Variants in HNRNPF observed in about 807,000 individuals in gnomAD.
HNRNPF encodes the protein heterogeneous nuclear ribonucleoprotein F.
HNRNPF carries 2 observed loss-of-function variants against 26.0 expected under a neutral mutation model. The observed-to-expected ratio is 0.08, with a 90% CI of 0.03 to 0.24. HNRNPF has a LOEUF of 0.24. Among genes scored for constraint, HNRNPF ranks in the 10% least tolerant of loss-of-function variants. The pLI is 1.00. For synonymous variants in HNRNPF, 234 were observed against 211.5 expected, an observed-to-expected ratio of 1.11 and a Z score of -0.92; for missense variants, 299 against 539.2, an observed-to-expected ratio of 0.55 and a Z score of 4.41.
At chr10:43,408,185 T>G (rs779406734) in intron 1 of HNRNPF, among the ~76,000 whole-genome samples, 2 of 152,124 alleles carry the variant, frequency 1.3e-5, no homozygotes, top group Non-Finnish European at 2.9e-5. Flanking sequence ...GGCCTCCCAC[T>G]GCGCCAGGCC....
chr10:43,396,923 C>A (rs1838558187), intron 1 of HNRNPF: 1 of 140,976 alleles, frequency 7.1e-6, no homozygotes, highest in Admixed American at 7.0e-5. Flanking sequence ...GGGGAGGGGG[C>A]CCCTGGCGGG....
intron 1 of HNRNPF, among the ~76,000 whole-genome samples, chr10:43,397,582 A>C (rs908120781): frequency 3.3e-5 from 5 of 152,186 alleles, no homozygotes; most frequent in Admixed American, 2.6e-4. Context: ...CTAAAATGGA[A>C]CTAGCGGACG....
intron 3 of HNRNPF, among the ~76,000 whole-genome samples, chr10:43,392,742 T>A (rs894918946): frequency 6.6e-6 from 1 of 152,148 alleles, no homozygotes; most frequent in Non-Finnish European, 1.5e-5. Flanking sequence ...CTGTAGGGAA[T>A]CAGGCTTGGG....
At chr10:43,396,615 T>C (rs1281146517) in intron 1 of HNRNPF, 25 bp from the exon 2 acceptor site, 1 of 152,102 alleles carries the variant, frequency 6.6e-6, no homozygotes, top group Admixed American at 6.6e-5. Context: ...CAAGTGGTGG[T>C]GGGGTCCCTT....
rs759341188 is a variant in HNRNPF at position 43,387,874 on chromosome 10, C to G, written c.11G>C (p.Gly4Ala). 1 of 1,606,408 alleles carries G rather than the reference C, an allele frequency of 6.2e-7. No homozygotes were observed. Among genetic ancestry groups the G allele is most frequent in the Non-Finnish European group, 8.5e-7 (1 of 1,173,572 alleles). ...CACAAAGCCTTCACCTCCCTCAGGG[C>G]CCAGCATCATGGACACTTGTCAGGG... Reference protein sequence around the residue: MMLGPEGGEGFVVK... With the variant: MMLAPEGGEGFVVK... Residue 4 changes from glycine to alanine, a missense_variant, in exon 4 of 4, where the codon GGC becomes GCC. Around this residue, in one of 6 missense-constraint regions of HNRNPF, gnomAD observed 104 missense variants for 239.0 expected, o/e 0.44. Coordinates refer to ENST00000682386, the MANE Select transcript of HNRNPF (RefSeq NM_001098204.2). The surrounding 1 kb of genome is among the most constrained non-coding windows in gnomAD (Gnocchi z 6.0).
chr10:43,402,586 G>C (rs951768582), intron 1 of HNRNPF, among the ~76,000 whole-genome samples: 1 of 152,136 alleles, frequency 6.6e-6, no homozygotes, highest in Non-Finnish European at 1.5e-5. Context: ...CTAATACAAC[G>C]TGTTACCAAA....
intron 1 of HNRNPF, among the ~76,000 whole-genome samples, chr10:43,398,576 G>A (rs749349005): frequency 1.3e-4 from 20 of 152,014 alleles, no homozygotes; most frequent in Non-Finnish European, 2.8e-4. Context: ...TCCTGACCTT[G>A]TGATCCACCC....
intron 1 of HNRNPF, among the ~76,000 whole-genome samples, chr10:43,404,113 A>G (rs1356087600): frequency 6.6e-6 from 1 of 151,870 alleles, no homozygotes; most frequent in Admixed American, 6.6e-5. Context: ...CCTGGCCAAC[A>G]TGGTGAAACC....
Position 43,387,178 on chromosome 10 carries a change from T to C in HNRNPF, c.707A>G (p.Tyr236Cys). The C allele has an allele frequency of 6.2e-7, 1 of 1,614,194 alleles. No individual in the cohort carries two copies. Among genetic ancestry groups the C allele is most frequent in the Non-Finnish European group, 8.5e-7 (1 of 1,180,040 alleles). The stretch of plus-strand genomic sequence containing the variant: ...CTCGTAGCCCCCGTAGCCTGTGCTG[T>C]AGGCACCAGGCCTCATCCTTTCCAG... ...AGLERMRPGA[Y>C]STGYGGYEEY... is the part of the protein sequence containing the mutation. Residue 236 changes from tyrosine (Y) to cysteine (C), a missense_variant, in exon 4 of 4, where the codon TAC (tyrosine) becomes TGC (cysteine). Physicochemically the swap from Tyr to Cys is radical, Grantham distance 194. This residue lies in a region of HNRNPF where 74 missense variants were observed against 77.7 expected (regional missense o/e 0.95). Coordinates refer to ENST00000682386, the MANE Select transcript of HNRNPF (RefSeq NM_001098204.2). This position sits in a 1 kb window ranked among gnomAD's most constrained non-coding sequence, Gnocchi z 6.0.
rs1393388779 is a variant in HNRNPF, at chr10:43,387,999, CG to C, written c.-52-64del. On this transcript the variant is annotated intron_variant, in intron 3 of 3. Transcript: ENST00000682386. This position sits in a 1 kb window ranked among gnomAD's most constrained non-coding sequence, Gnocchi z 6.0. ...ACAGAAATTTTCCCCATTTTACAGA[CG>C]AGAGAGGTAGCAAGACATTAAGAAA... is the stretch of plus-strand genomic sequence containing the variant. 1.2e-6 allele frequency: 1 copy of C among 812,854 alleles called. No homozygotes were observed. The highest frequency in any genetic ancestry group is 1.9e-6 in the Non-Finnish European group (1 of 522,378). The allele number at this position is 812,854 out of a possible 1,614,324, so 50.4% of individuals were successfully genotyped here. A position where few individuals can be genotyped will look rare whatever the true frequency, so the allele number is the denominator to read the frequency against.
At chr10:43,394,367 A>G (rs1423193605) in intron 3 of HNRNPF, among the ~76,000 whole-genome samples, 1 of 152,264 alleles carries the variant, frequency 6.6e-6, no homozygotes, top group Non-Finnish European at 1.5e-5. Context: ...GGCAAGGCGA[A>G]GAGACCATTC....
intron 1 of HNRNPF, among the ~76,000 whole-genome samples, chr10:43,407,492 G>A (rs1192055154): frequency 2.6e-5 from 4 of 152,122 alleles, no homozygotes; most frequent in Non-Finnish European, 4.4e-5. Flanking sequence ...TTGGGGGGAG[G>A]GCGAGTCGGG....
At position 43,386,676 on chromosome 10, in the gene HNRNPF, G is replaced by C; in HGVS notation, c.1209C>G (p.Ala403=). The C allele has an allele frequency of 1.3e-6, 2 of 1,585,384 alleles. No homozygotes were observed. The highest frequency in any genetic ancestry group is 1.2e-5 in the South Asian group (1 of 86,662). Residue 403 remains alanine, a synonymous_variant, in exon 4 of 4, where the codon GCC becomes GCG. Coordinates refer to ENST00000682386, the MANE Select transcript of HNRNPF (RefSeq NM_001098204.2). ...CCATGCTGTTCTGCCCACTGTAGCC[G>C]GCCCCGTAACAGCCACTCACTGACT... The part of the protein sequence containing the change: ...ESQSVSGCYG[A]GYSGQNSMGG...
At chr10:43,400,663 T>G (rs540561597) in intron 1 of HNRNPF, among the ~76,000 whole-genome samples, 18 of 152,210 alleles carry the variant, frequency 1.2e-4, no homozygotes, top group Non-Finnish European at 2.2e-4. Flanking sequence ...TACAAGACAC[T>G]AATTCCATTT....
chr10:43,405,685 C>T (rs1307655160), intron 1 of HNRNPF, among the ~76,000 whole-genome samples: 1 of 151,842 alleles, frequency 6.6e-6, no homozygotes, highest in Non-Finnish European at 1.5e-5. Context: ...AATACAGAAA[C>T]ACTTAAACCC....
chr10:43,398,759 GC>G (rs1458688407), intron 1 of HNRNPF, among the ~76,000 whole-genome samples: 1 of 151,650 alleles, frequency 6.6e-6, no homozygotes, highest in African/African-American at 2.4e-5. Flanking sequence ...GCTCAAGCAA[GC>G]CTCCAACCTC....
rs564370432 is a variant in HNRNPF, at chr10:43,398,664, T to G, written c.-246-2074A>C. 8.6e-5 allele frequency among the ~76,000 whole-genome samples: 13 copies of G among 151,958 alleles called. No individual in the cohort carries two copies. The South Asian group carries it at 2.7e-3, about 32-fold the overall frequency. On this transcript the variant is annotated intron_variant, in intron 1 of 3. Coordinates refer to ENST00000682386, the MANE Select transcript of HNRNPF (RefSeq NM_001098204.2). The stretch of plus-strand genomic sequence containing the variant: ...CTGTTTTACGTTTTTAACAGAATTA[T>G]TATTATTTTGAGACAGGGTCTGGCT...
At chr10:43,392,384 C>T (rs1424316817) in intron 3 of HNRNPF, among the ~76,000 whole-genome samples, 1 of 152,058 alleles carries the variant, frequency 6.6e-6, no homozygotes, top group Non-Finnish European at 1.5e-5. Flanking sequence ...ACTAAAAATA[C>T]AAAAATTAGC....
At chr10:43,400,008 G>A (rs1342442653) in intron 1 of HNRNPF, among the ~76,000 whole-genome samples, 1 of 152,236 alleles carries the variant, frequency 6.6e-6, no homozygotes, top group African/African-American at 2.4e-5. Flanking sequence ...ATTTCATGTA[G>A]AAAGAAGGGA....
Sources: allele counts gnomAD v4.1 joint callset (sites outside exome capture counted in the v4.1 genomes callset), GRCh38; gene constraint gnomAD v4.1.1; regional missense constraint gnomAD v4.1.1; non-coding constraint Gnocchi (gnomAD v3.1); transcripts MANE v1.5; gene names NCBI Gene and HGNC (gene_info 2026-07-23, HGNC 2026-07-21).